The following PRICKLE1 variants were observed in gnomAD, a reference collection of about 807,000 sequenced individuals.
PRICKLE1 encodes the protein prickle-like protein 1.
PRICKLE1 carries 14 observed loss-of-function variants against 70.2 expected under a neutral mutation model. That is an observed-to-expected ratio of 0.20 (90% CI 0.13 to 0.31). The LOEUF (loss-of-function observed/expected upper bound fraction) is 0.31. Among genes scored for constraint, PRICKLE1 ranks in the 10% least tolerant of loss-of-function variants. The pLI, the probability that PRICKLE1 is intolerant of heterozygous loss-of-function variation, is 1.00. For synonymous variants in PRICKLE1, 357 were observed against 379.9 expected (o/e 0.94, Z 0.70); for missense variants, 821 against 1,026.2 (o/e 0.80, Z 2.73).
At chr12:42,537,555 A>G (rs1940035713) in intron 1 of PRICKLE1, among the ~76,000 whole-genome samples, 1 of 152,228 alleles carries the variant, frequency 6.6e-6, no homozygotes, top group Non-Finnish European at 1.5e-5. Flanking sequence ...ACAGGCTTGA[A>G]TACCAACTCT....
At chr12:42,588,137 CA>C (rs1941013048) in intron 1 of PRICKLE1, among the ~76,000 whole-genome samples, 1 of 152,242 alleles carries the variant, frequency 6.6e-6, no homozygotes, top group East Asian at 1.9e-4. Flanking sequence ...AAGTGACAGG[CA>C]ACAGCTGAGC....
intron 1 of PRICKLE1, among the ~76,000 whole-genome samples, chr12:42,504,514 T>C (rs781239371): frequency 1.3e-5 from 2 of 152,212 alleles, no homozygotes; most frequent in Non-Finnish European, 2.9e-5. Context: ...AGGGAGCTAC[T>C]GTTGATGTAA....
chr12:42,460,074 T>C lies in PRICKLE1; in HGVS notation c.2231A>G (p.Gln744Arg). 6.2e-7 allele frequency: 1 copy of C among 1,614,198 alleles called. No individual in the cohort carries two copies. The highest frequency in any genetic ancestry group is 2.2e-5 in the East Asian group (1 of 44,882). The part of the protein sequence containing the change: ...YAHATSDYGL[Q>R]NPGMNRFLGL... ...CAGAAACCGATTCATTCCTGGGTTC[T>C]GCAGGCCATAATCGGAAGTGGCATG... is the stretch of plus-strand genomic sequence containing the variant. The change falls in exon 8 of 8, where the codon CAG (glutamine) becomes CGG (arginine). Residue 744 changes from glutamine (Q) to arginine (R), a missense_variant. Coordinates refer to ENST00000345127, the MANE Select transcript of PRICKLE1 (RefSeq NM_153026.3).
chr12:42,543,418 G>C (rs933188564), intron 1 of PRICKLE1, among the ~76,000 whole-genome samples: 5 of 148,416 alleles, frequency 3.4e-5, no homozygotes, highest in African/African-American at 9.9e-5. Context: ...GGCTGCACTC[G>C]AACTCCTGAG....
chr12:42,553,949 T>A (rs1298043274), intron 1 of PRICKLE1, among the ~76,000 whole-genome samples: 1 of 151,750 alleles, frequency 6.6e-6, no homozygotes, highest in Non-Finnish European at 1.5e-5. Context: ...CTAAAACATG[T>A]AAAAATTAGT....
chr12:42,573,862 G>C (rs530875583), intron 1 of PRICKLE1, among the ~76,000 whole-genome samples: 1 of 152,330 alleles, frequency 6.6e-6, no homozygotes, highest in African/African-American at 2.4e-5. Context: ...AAATTATTAT[G>C]TGTGGCAGTG....
In PRICKLE1 at chr12:42,535,734, T is replaced by C. The variant is rs1187849288; in HGVS notation, c.-49+53731A>G. ...AATAGTTTGAGGCTGCAGTAAGCTA[T>C]GATTGTGCCACTGCACTCCAGCCTG... On this transcript the variant is annotated intron_variant, in intron 1 of 7. Transcript: ENST00000345127. Among the ~76,000 whole-genome samples, 3 of 152,140 alleles carry C rather than the reference T, an allele frequency of 2.0e-5. No homozygotes were observed. The East Asian group carries it at 5.8e-4, about 29-fold the overall frequency.
intron 1 of PRICKLE1, among the ~76,000 whole-genome samples, chr12:42,517,306 AT>A (rs71794718): frequency 4.6e-4 from 41 of 88,946 alleles, no homozygotes; most frequent in African/African-American, 1.7e-3. Flanking sequence ...TCAGTCTGCC[AT>A]TTTTTTTTTT....
intron 1 of PRICKLE1, among the ~76,000 whole-genome samples, chr12:42,532,079 C>T (rs75957717): frequency 3.3e-5 from 5 of 152,144 alleles, no homozygotes; most frequent in African/African-American, 1.2e-4. Context: ...TGGAAACGAT[C>T]GCTTGAGCCT....
At chr12:42,575,311 TA>T (rs1566133272) in intron 1 of PRICKLE1, among the ~76,000 whole-genome samples, 1 of 152,200 alleles carries the variant, frequency 6.6e-6, no homozygotes, top group Non-Finnish European at 1.5e-5. Context: ...AAAGTTGTCA[TA>T]ATTCATATGT....
At chr12:42,574,196 A>G (rs969623243) in intron 1 of PRICKLE1, among the ~76,000 whole-genome samples, 2 of 152,196 alleles carry the variant, frequency 1.3e-5, no homozygotes, top group African/African-American at 2.4e-5. Context: ...CTAAAAGCTT[A>G]TTCATTATTT....
chr12:42,493,733 C>A (rs55962740), intron 1 of PRICKLE1, among the ~76,000 whole-genome samples: 22,096 of 151,864 alleles, frequency 0.15, 1,914 homozygotes, highest in Admixed American at 0.25. Context: ...TGTCACGTGC[C>A]TACAGTCCCA....
In PRICKLE1 at chr12:42,469,530, C is replaced by T; in HGVS notation, c.304G>A (p.Ala102Thr). The stretch of plus-strand genomic sequence containing the variant: ...CCCAGTGCTTCTTTCTTCCGCTGAG[C>T]ACTGAACACCTGCAACTCTTTTTTC... ...EEKKELQVFS[A>T]QRKKEALGRG... The change falls in exon 4 of 8, where the codon GCT becomes ACT. Residue 102 changes from alanine (A) to threonine (T), a missense_variant. Physicochemically the swap from Ala to Thr is moderately conservative, Grantham distance 58. Transcript: ENST00000345127. 1 of 1,614,190 alleles carries T rather than the reference C, an allele frequency of 6.2e-7. No individual in the cohort carries two copies. The highest frequency in any genetic ancestry group is 8.5e-7 in the Non-Finnish European group (1 of 1,180,036).
At chr12:42,553,522 A>C (rs1437553833) in intron 1 of PRICKLE1, among the ~76,000 whole-genome samples, 1 of 4,464 alleles carries the variant, frequency 2.2e-4, no homozygotes, top group Non-Finnish European at 4.3e-4. Flanking sequence ...CTCTAGAATC[A>C]GGGGGTGGGT....
At chr12:42,577,407 A>T (rs554449472) in intron 1 of PRICKLE1, among the ~76,000 whole-genome samples, 1 of 152,162 alleles carries the variant, frequency 6.6e-6, no homozygotes, top group East Asian at 1.9e-4. Flanking sequence ...AAACATAGCT[A>T]TTGTTGAATT....
At chr12:42,510,758 C>T (rs977651679) in intron 1 of PRICKLE1, among the ~76,000 whole-genome samples, 5 of 152,066 alleles carry the variant, frequency 3.3e-5, no homozygotes, top group African/African-American at 1.2e-4. Flanking sequence ...GAGGCTATGT[C>T]CTATGTCTGT....
chr12:42,517,244 T>G (rs573183287), intron 1 of PRICKLE1, among the ~76,000 whole-genome samples: 1 of 152,068 alleles, frequency 6.6e-6, no homozygotes, highest in Non-Finnish European at 1.5e-5. Context: ...AAAAATACTT[T>G]TACTGTCACT....
intron 1 of PRICKLE1, among the ~76,000 whole-genome samples, chr12:42,534,177 A>AGAAG (rs1440336403): frequency 1.3e-5 from 2 of 152,220 alleles, no homozygotes; most frequent in Non-Finnish European, 2.9e-5. Context: ...AAAGAAAGAA[A>AGAAG]GAAAAGAGCA....
intron 1 of PRICKLE1, among the ~76,000 whole-genome samples, chr12:42,503,417 A>G (rs1939351546): frequency 6.6e-6 from 1 of 152,182 alleles, no homozygotes; most frequent in Non-Finnish European, 1.5e-5. Flanking sequence ...GATTCTTTGC[A>G]GTGCTGGGTA....
Sources: allele counts gnomAD v4.1 joint callset (sites outside exome capture counted in the v4.1 genomes callset), GRCh38; gene constraint gnomAD v4.1.1; transcripts MANE v1.5; gene names NCBI Gene and HGNC (gene_info 2026-07-23, HGNC 2026-07-21).